The following TMEM233 variants were observed in gnomAD, a reference collection of about 807,000 sequenced individuals.
TMEM233 encodes the protein dispanin subfamily B member 2.
A neutral mutation model predicts 11.2 loss-of-function variants in TMEM233; 6 were observed. The observed-to-expected ratio is 0.54, with a 90% CI of 0.29 to 1.06. The LOEUF (loss-of-function observed/expected upper bound fraction) is 1.06, where lower values mean the gene tolerates loss of function less well. Ranked by LOEUF, TMEM233 falls within the 50% of genes least tolerant of loss-of-function variation. The pLI, the probability that TMEM233 is intolerant of heterozygous loss-of-function variation, is 0.08. For missense variants in TMEM233, 127 were observed against 144.7 expected, an observed-to-expected ratio of 0.88 and a Z score of 0.63; for synonymous variants, 59 against 55.8, an observed-to-expected ratio of 1.06 and a Z score of -0.26.
chr12:119,626,558 AGAG>A lies in TMEM233; in HGVS notation c.187-3177_187-3175del, dbSNP rs1249317667. On this transcript the variant is annotated intron_variant, in intron 1 of 2. Transcript: ENST00000426426. The stretch of plus-strand genomic sequence containing the variant: ...AGAAGGGAGAAGAGAAGAGAAGAGA[AGAG>A]AAGAGAAGAGAAGAGAAGAGAAGAG... Among the ~76,000 whole-genome samples, 617 of 137,398 alleles carry A rather than the reference AGAG, an allele frequency of 4.5e-3. 22 individuals carry two copies. Among genetic ancestry groups the A allele is most frequent in the African/African-American group, 0.016 (584 of 35,416 alleles). The allele number at this position is 137,398 out of a possible 152,430, so 90.1% of individuals were successfully genotyped here.
At chr12:119,631,604 A>C in intron 2 of TMEM233, 1 of 985,476 alleles carries the variant, frequency 1.0e-6, no homozygotes, top group Non-Finnish European at 1.2e-6. Flanking sequence ...CACGTGAATG[A>C]ACCTGACTAT....
At chr12:119,622,343 A>C (rs545666532) in intron 1 of TMEM233, among the ~76,000 whole-genome samples, 2 of 152,338 alleles carry the variant, frequency 1.3e-5, no homozygotes, top group South Asian at 4.1e-4. Flanking sequence ...TAGCATCCAA[A>C]TGTTTTACAT....
chr12:119,605,912 T>G (rs1234860395), intron 1 of TMEM233, among the ~76,000 whole-genome samples: 1 of 152,010 alleles, frequency 6.6e-6, no homozygotes. Context: ...GTCCTGAAAA[T>G]ATTTATGGAG....
intron 1 of TMEM233, among the ~76,000 whole-genome samples, chr12:119,604,581 C>T (rs1468941863): frequency 1.3e-5 from 2 of 152,094 alleles, no homozygotes; most frequent in African/African-American, 4.8e-5. Context: ...ACCCACCTCT[C>T]CCCCTTTCTT....
At chr12:119,647,840 G>T (rs2136822333), downstream of TMEM233, among the ~76,000 whole-genome samples, 1 of 117,284 alleles carries the variant, frequency 8.5e-6, no homozygotes, top group African/African-American at 3.3e-5. Context: ...TGTTCTCATT[G>T]TTCAACTCCC....
At chr12:119,635,046 ACT>A (rs928926587) in intron 2 of TMEM233, among the ~76,000 whole-genome samples, 22 of 151,962 alleles carry the variant, frequency 1.4e-4, no homozygotes, top group African/African-American at 5.3e-4. Context: ...AAGTCAGAAA[ACT>A]CTCCGCCCTC....
intron 2 of TMEM233, among the ~76,000 whole-genome samples, chr12:119,630,447 C>A (rs536314458): frequency 5.0e-4 from 76 of 152,302 alleles, no homozygotes; most frequent in Non-Finnish European, 8.8e-4. Flanking sequence ...ATCTTTTAAG[C>A]CTTGCAGGCC....
At chr12:119,610,776 G>A (rs984092518) in intron 1 of TMEM233, among the ~76,000 whole-genome samples, 20 of 152,066 alleles carry the variant, frequency 1.3e-4, no homozygotes, top group African/African-American at 1.7e-4. Context: ...AAATTAACCC[G>A]TCTCAGGTAT....
the TMEM233 span, among the ~76,000 whole-genome samples, chr12:119,652,692 C>T: frequency 3.3e-5 from 5 of 152,160 alleles, no homozygotes; most frequent in African/African-American, 1.2e-4. Flanking sequence ...ATATAAACTC[C>T]CCTCAAATCC....
chr12:119,605,275 G>A (rs115697710), intron 1 of TMEM233, among the ~76,000 whole-genome samples: 2,220 of 152,048 alleles, frequency 0.015, 62 homozygotes, highest in African/African-American at 0.051. Context: ...CCCAGCAAGG[G>A]ACATAAGAAA....
intron 1 of TMEM233, among the ~76,000 whole-genome samples, chr12:119,626,538 G>GGAGAAGAGGAGAGAAGAGAA (rs1954767038): frequency 1.6e-5 from 1 of 63,822 alleles, no homozygotes; most frequent in Non-Finnish European, 3.1e-5. Flanking sequence ...AAGGGAGAAG[G>GGAGAAGAGGAGAGAAGAGAA]GAGAAGAGAA....
chr12:119,639,344 G>A (rs540430615), intron 2 of TMEM233, among the ~76,000 whole-genome samples: 10 of 151,872 alleles, frequency 6.6e-5, no homozygotes, highest in Non-Finnish European at 1.3e-4. Flanking sequence ...ATGGCCAGGT[G>A]TGGTGACTCA....
At chr12:119,632,690 T>C (rs1313024577) in intron 2 of TMEM233, among the ~76,000 whole-genome samples, 1 of 152,218 alleles carries the variant, frequency 6.6e-6, no homozygotes, top group Non-Finnish European at 1.5e-5. Flanking sequence ...AACCACTTAG[T>C]ATGCAGGCCT....
intron 1 of TMEM233, among the ~76,000 whole-genome samples, chr12:119,619,855 A>C (rs1276704121): frequency 6.6e-6 from 1 of 152,178 alleles, no homozygotes; most frequent in Non-Finnish European, 1.5e-5. Context: ...ATTTAAAATC[A>C]CCTGTGTGTC....
chr12:119,600,475 G>A (rs983176806), intron 1 of TMEM233, among the ~76,000 whole-genome samples: 3 of 151,992 alleles, frequency 2.0e-5, no homozygotes, highest in Non-Finnish European at 1.5e-5. Context: ...TAATGTTGAG[G>A]GAGGCTGGAG....
intron 1 of TMEM233, among the ~76,000 whole-genome samples, chr12:119,601,709 G>A (rs74975685): frequency 0.014 from 1,981 of 145,848 alleles, 40 homozygotes; most frequent in African/African-American, 0.047. Flanking sequence ...AATCCTGAAA[G>A]AAAATTATTT....
intron 1 of TMEM233, among the ~76,000 whole-genome samples, chr12:119,599,353 T>C (rs1024847712): frequency 2.6e-5 from 4 of 152,232 alleles, no homozygotes; most frequent in Non-Finnish European, 4.4e-5. Context: ...CTCCATGATG[T>C]GCTTATTTCA....
At chr12:119,639,385 A>T (rs1438768196) in intron 2 of TMEM233, among the ~76,000 whole-genome samples, 1 of 151,888 alleles carries the variant, frequency 6.6e-6, no homozygotes, top group Non-Finnish European at 1.5e-5. Flanking sequence ...TGGGAGGCTG[A>T]GGCGGGTGGA....
intron 1 of TMEM233, among the ~76,000 whole-genome samples, chr12:119,603,108 A>G (rs76452232): frequency 6.6e-6 from 1 of 152,054 alleles, no homozygotes; most frequent in Admixed American, 6.6e-5. Context: ...AAAAATAAAA[A>G]TAAAAATAAA....
Sources: allele counts gnomAD v4.1 joint callset (sites outside exome capture counted in the v4.1 genomes callset), GRCh38; gene constraint gnomAD v4.1.1; transcripts MANE v1.5; gene names NCBI Gene and HGNC (gene_info 2026-07-23, HGNC 2026-07-21).